Variants in CIB4 observed in about 807,000 individuals in gnomAD.
The protein encoded by CIB4 is calcium and integrin binding family member 4.
In CIB4, 25 loss-of-function variants were observed where a neutral mutation model predicts 25.8. The ratio of observed to expected loss-of-function variants is 0.97; its 90% CI spans 0.71 to 1.35. The LOEUF (loss-of-function observed/expected upper bound fraction) is 1.35, where lower values mean the gene tolerates loss of function less well. Among genes scored for constraint, CIB4 ranks in the 40% most tolerant of loss-of-function variants. The pLI, the probability that CIB4 is intolerant of heterozygous loss-of-function variation, is 0.00. For synonymous variants in CIB4, 75 were observed against 81.4 expected, an observed-to-expected ratio of 0.92 and a Z score of 0.42; for missense variants, 235 against 228.2, an observed-to-expected ratio of 1.03 and a Z score of -0.19.
At chr2:26,633,518 T>A (rs1432927656) in intron 2 of CIB4, among the ~76,000 whole-genome samples, 2 of 152,086 alleles carry the variant, frequency 1.3e-5, no homozygotes, top group Non-Finnish European at 2.9e-5. Context: ...TGGAAAGTCC[T>A]CTCGGGGAGG....
chr2:26,592,260 G>C (rs1405794174), intron 4 of CIB4, among the ~76,000 whole-genome samples: 2 of 152,238 alleles, frequency 1.3e-5, no homozygotes, highest in African/African-American at 4.8e-5. Context: ...GCACTGATGG[G>C]GGCTTGAGCC....
intron 2 of CIB4, among the ~76,000 whole-genome samples, chr2:26,633,135 CA>C (rs1453468645): frequency 1.3e-5 from 2 of 152,116 alleles, no homozygotes; most frequent in Non-Finnish European, 2.9e-5. Flanking sequence ...TAAGGTCACA[CA>C]GTGGTAAATG....
chr2:26,628,408 G>A (rs536876150), intron 3 of CIB4, among the ~76,000 whole-genome samples: 3 of 152,236 alleles, frequency 2.0e-5, no homozygotes, highest in African/African-American at 7.2e-5. Context: ...TTTTACAGGT[G>A]AGGAAACCAA....
In CIB4 at chr2:26,581,383, T is replaced by C; in HGVS notation, c.538A>G (p.Ile180Val). 1.2e-6 allele frequency: 2 copies of C among 1,613,596 alleles called. No homozygotes were observed. The highest frequency in any genetic ancestry group is 1.7e-6 in the Non-Finnish European group (2 of 1,179,756). ...CTACATCAGCATCCCCAGAAGTGAA[T>C]CCGAAAGGAGCTGAAAGAAAGAATC... Reference protein sequence around the residue: ...KSPDFMNSFRIHFWGC With the variant: ...KSPDFMNSFRVHFWGC The change falls in exon 7 of 7, where the codon ATT becomes GTT. Residue 180 changes from isoleucine to valine, a missense_variant. Physicochemically the swap from Ile to Val is conservative, Grantham distance 29. Coordinates refer to ENST00000288861, the MANE Select transcript of CIB4 (RefSeq NM_001029881.3).
chr2:26,614,391 C>T (rs1409608868), intron 3 of CIB4, among the ~76,000 whole-genome samples: 2 of 152,198 alleles, frequency 1.3e-5, no homozygotes, highest in Non-Finnish European at 2.9e-5. Context: ...TCTGCCTGTC[C>T]CTTGGTGTCA....
chr2:26,623,009 T>A (rs2148219066), intron 3 of CIB4, among the ~76,000 whole-genome samples: 1 of 150,786 alleles, frequency 6.6e-6, no homozygotes, highest in African/African-American at 2.4e-5. Flanking sequence ...AATAAATAAA[T>A]AAATAAATGA....
intron 3 of CIB4, among the ~76,000 whole-genome samples, chr2:26,617,534 G>A (rs778303508): frequency 1.3e-5 from 2 of 152,184 alleles, no homozygotes; most frequent in Non-Finnish European, 2.9e-5. Flanking sequence ...GACTGTGAAA[G>A]TGCTTGCAAC....
At chr2:26,626,366 GAAAGAAACCCAAGTAGAAAAAA>G (rs1669303475) in intron 3 of CIB4, among the ~76,000 whole-genome samples, 1 of 74,214 alleles carries the variant, frequency 1.3e-5, no homozygotes, top group Admixed American at 1.5e-4. Context: ...GGAAAAGCAA[GAAAGAAACCCAAGTAGAAAAAA>G]AAAGCAACAT....
intron 4 of CIB4, among the ~76,000 whole-genome samples, chr2:26,587,179 G>T (rs1367593874): frequency 6.6e-6 from 1 of 151,674 alleles, no homozygotes; most frequent in African/African-American, 2.4e-5. Context: ...AGTGGCTGGC[G>T]CCTGTAGTCC....
chr2:26,609,609 T>C (rs1344187690), intron 3 of CIB4, among the ~76,000 whole-genome samples: 2 of 151,898 alleles, frequency 1.3e-5, no homozygotes, highest in African/African-American at 4.8e-5. Flanking sequence ...AACAGAAAGA[T>C]AGGGGAGGAC....
At chr2:26,621,383 T>C (rs996049349) in intron 3 of CIB4, among the ~76,000 whole-genome samples, 2 of 151,670 alleles carry the variant, frequency 1.3e-5, no homozygotes, top group Non-Finnish European at 2.9e-5. Context: ...AAAAATGATA[T>C]CCAACCTACA....
chr2:26,603,029 G>A (rs1055012824), intron 3 of CIB4, among the ~76,000 whole-genome samples: 2 of 124,344 alleles, frequency 1.6e-5, no homozygotes, highest in African/African-American at 6.0e-5. Context: ...TGGCATGGGC[G>A]ATAGAGCAAG....
chr2:26,632,828 G>A (rs530355144), intron 2 of CIB4, among the ~76,000 whole-genome samples: 2 of 151,876 alleles, frequency 1.3e-5, no homozygotes, highest in Non-Finnish European at 2.9e-5. Context: ...GTCAAAAGGA[G>A]CATTTTGTCA....
rs1364258867 is a variant in CIB4 at position 26,627,703 on chromosome 2, T to C, written c.186+1707A>G. The stretch of plus-strand genomic sequence containing the variant: ...ACAGTCTCCGATTCACTCACCTTTC[T>C]GAGGTTTCTATTTCTTTCCCCTCCA... On this transcript the variant is annotated intron_variant, in intron 3 of 6. Transcript: ENST00000288861. The surrounding 1 kb of genome is among the most constrained non-coding windows in gnomAD (Gnocchi z 4.0). 1.3e-5 allele frequency among the ~76,000 whole-genome samples: 2 copies of C among 152,186 alleles called. No homozygotes were observed. Among genetic ancestry groups the C allele is most frequent in the Non-Finnish European group, 1.5e-5 (1 of 68,026 alleles).
intron 3 of CIB4, 59 bp downstream of exon 3, chr2:26,629,351 C>T: frequency 1.2e-6 from 1 of 865,904 alleles, no homozygotes; most frequent in Non-Finnish European, 1.8e-6. Context: ...CAGCACCCAT[C>T]AGCCCATCAG....
chr2:26,633,363 C>T (rs184240904), intron 2 of CIB4, among the ~76,000 whole-genome samples: 3 of 152,272 alleles, frequency 2.0e-5, no homozygotes, highest in South Asian at 2.1e-4. Context: ...ACTGAGGCTC[C>T]GAGAGTTTAA....
At chr2:26,613,647 G>C (rs985374973) in intron 3 of CIB4, among the ~76,000 whole-genome samples, 3 of 152,228 alleles carry the variant, frequency 2.0e-5, no homozygotes, top group Non-Finnish European at 1.5e-5. Context: ...GGAAAGCTGA[G>C]GTTATACACA....
chr2:26,609,230 G>C (rs571451008), intron 3 of CIB4, among the ~76,000 whole-genome samples: 8 of 152,322 alleles, frequency 5.3e-5, no homozygotes, highest in African/African-American at 1.9e-4. Flanking sequence ...CCTGGGTGGA[G>C]GCAGGAGCTG....
At chr2:26,592,773 T>C (rs1295590154) in intron 4 of CIB4, among the ~76,000 whole-genome samples, 8 of 152,246 alleles carry the variant, frequency 5.3e-5, no homozygotes, top group Non-Finnish European at 1.2e-4. Flanking sequence ...AGATATTTTA[T>C]TTTTCAGTTC....
Sources: allele counts gnomAD v4.1 joint callset (sites outside exome capture counted in the v4.1 genomes callset), GRCh38; gene constraint gnomAD v4.1.1; non-coding constraint Gnocchi (gnomAD v3.1); transcripts MANE v1.5; gene names NCBI Gene and HGNC (gene_info 2026-07-23, HGNC 2026-07-21).